The following LYPD5 variants were observed in gnomAD, a reference collection of about 807,000 sequenced individuals.
The protein encoded by LYPD5 is LY6/PLAUR domain containing 5.
LYPD5 carries 21 observed loss-of-function variants against 19.1 expected under a neutral mutation model. The observed-to-expected ratio is 1.10, with a 90% CI of 0.78 to 1.58. The LOEUF is 1.58. Ranked by LOEUF, LYPD5 falls within the 40% of genes most tolerant of loss-of-function variation. LYPD5 has a pLI of 0.00. For missense variants in LYPD5, 287 were observed against 329.8 expected (o/e 0.87, Z 1.00); for synonymous variants, 128 against 142.7 (o/e 0.90, Z 0.74).
chr19:43,800,056 C>A, intron 1 of LYPD5: 1 of 420,062 alleles, frequency 2.4e-6, no homozygotes, highest in Non-Finnish European at 4.3e-6. Context: ...TTTTTTCCCT[C>A]CAGGACACTC....
In LYPD5 at chr19:43,802,366, G is replaced by A. The variant is rs1970234988; in HGVS notation, c.15C>T (p.Val5=). MAMG[V]PRVILLCLFG... ...AGAGGCAGAGCAGAATGACTCTGGG[G>A]ACCCCCATTGCCATTGCTGAGCTGG... is the stretch of plus-strand genomic sequence containing the variant. The change falls in exon 1 of 5, where the codon GTC becomes GTT. Residue 5 remains valine, a synonymous_variant. Coordinates refer to ENST00000377950, the MANE Select transcript of LYPD5 (RefSeq NM_001031749.3). 2 of 1,551,516 alleles carry A rather than the reference G, an allele frequency of 1.3e-6. No homozygotes were observed. The highest frequency in any genetic ancestry group is 1.2e-5 in the South Asian group (1 of 84,048).
intron 1 of LYPD5, among the ~76,000 whole-genome samples, chr19:43,816,059 T>TATCTATCTATCTATCTATCA (rs941909676): frequency 1.3e-4 from 19 of 151,996 alleles, no homozygotes; most frequent in African/African-American, 4.4e-4. Context: ...TCTATCTATC[T>TATCTATCTATCTATCTATCA]ATCTATCTAT....
chr19:43,805,772 T>A (rs1205070944), upstream of LYPD5, among the ~76,000 whole-genome samples: 1 of 152,206 alleles, frequency 6.6e-6, no homozygotes, highest in African/African-American at 2.4e-5. Context: ...CCTCCCAAAG[T>A]GCTGGGATTA....
chr19:43,805,754 C>G (rs1320204694), upstream of LYPD5, among the ~76,000 whole-genome samples: 6 of 152,226 alleles, frequency 3.9e-5, no homozygotes, highest in African/African-American at 1.4e-4. Flanking sequence ...GTGATCCACC[C>G]GCCTCGGCCT....
intron 1 of LYPD5, among the ~76,000 whole-genome samples, chr19:43,801,454 T>A (rs1020513009): frequency 2.6e-5 from 4 of 152,088 alleles, no homozygotes; most frequent in Non-Finnish European, 5.9e-5. Flanking sequence ...TGAGCTGTGA[T>A]TGTGCCACTG....
chr19:43,807,689 T>C (rs1251299196), intron 1 of LYPD5, among the ~76,000 whole-genome samples: 3 of 152,228 alleles, frequency 2.0e-5, no homozygotes, highest in Admixed American at 6.5e-5. Flanking sequence ...ATGCAGGACC[T>C]TGGGATCAAT....
At position 43,798,438 on chromosome 19, in the gene LYPD5, C is replaced by A. The variant is rs769783743; in HGVS notation, c.517+17G>T. 2.5e-6 allele frequency: 4 copies of A among 1,603,808 alleles called. No individual in the cohort carries two copies. The South Asian group carries it at 3.3e-5, about 13-fold the overall frequency. On this transcript the variant is annotated intron_variant, in intron 4 of 4. Transcript: ENST00000377950. ...CATATCCCTTGCCCAGGCCCTTCCA[C>A]CCTTCCAGCCCCTTACCAACTGTCA...
upstream of LYPD5, among the ~76,000 whole-genome samples, chr19:43,802,893 G>A (rs1970240649): frequency 6.6e-6 from 1 of 152,140 alleles, no homozygotes; most frequent in Admixed American, 6.5e-5. Context: ...GATCAAACTA[G>A]GCTGGGCTAG....
At chr19:43,799,098 C>CTCCCTCCTTCCCTCCTTCCCTCCCTCCT in intron 2 of LYPD5, 110 bp from the exon 3 acceptor site, 1 of 1,014,502 alleles carries the variant, frequency 9.9e-7, no homozygotes, top group Non-Finnish European at 1.4e-6. Context: ...ACCTCCTCCC[C>CTCCCTCCTTCCCTCCTTCCCTCCCTCCT]TCCCTCCTTC....
intron 1 of LYPD5, among the ~76,000 whole-genome samples, chr19:43,810,912 G>A (rs113280402): frequency 0.18 from 27,655 of 151,930 alleles, 2,552 homozygotes; most frequent in Non-Finnish European, 0.21. Flanking sequence ...TTACAGGCGT[G>A]AGCCACTGCG....
At chr19:43,815,805 T>A (rs1338227426) in intron 1 of LYPD5, 19 of 370,120 alleles carry the variant, frequency 5.1e-5, no homozygotes, top group South Asian at 8.6e-5. Flanking sequence ...TGGCGCGATC[T>A]CAGCTCACTG....
At chr19:43,820,575 C>T (rs950386541) in exon 1 of LYPD5, 4 of 152,392 alleles carry the variant, frequency 2.6e-5, no homozygotes, top group Non-Finnish European at 5.9e-5. Context: ...CCGCAACGCC[C>T]TCTGCGCCTC....
chr19:43,802,111 C>T (rs1970228933), intron 1 of LYPD5, among the ~76,000 whole-genome samples: 3 of 151,874 alleles, frequency 2.0e-5, no homozygotes. Context: ...CCCACCAAGA[C>T]CCAGGAGTCC....
intron 1 of LYPD5, among the ~76,000 whole-genome samples, chr19:43,817,859 G>T (rs1970385973): frequency 6.6e-6 from 1 of 152,012 alleles, no homozygotes; most frequent in African/African-American, 2.4e-5. Flanking sequence ...TGGGATTACA[G>T]GTGTGCACCA....
rs1970198213 is a variant in LYPD5, at chr19:43,799,763, G to A, written c.136C>T (p.Leu46=). 4.3e-6 allele frequency: 7 copies of A among 1,613,914 alleles called. No homozygotes were observed. In the South Asian group the frequency reaches 6.6e-5, roughly 15 times the overall value. Reference sequence around the variant, plus strand: ...TCATGAGGACAGGAGATGCTGGGCAGCTTCATGGCCCTGAGGTCAAAGGGG... The same window carrying A: ...TCATGAGGACAGGAGATGCTGGGCAACTTCATGGCCCTGAGGTCAAAGGGG... ...FGPFDLRAMK[L]PSISCPHECF... The change falls in exon 2 of 5, where the codon CTG becomes TTG. Residue 46 remains leucine (L), a synonymous_variant. Coordinates refer to ENST00000377950, the MANE Select transcript of LYPD5 (RefSeq NM_001031749.3).
At chr19:43,813,522 A>G (rs1415946970) in intron 1 of LYPD5, among the ~76,000 whole-genome samples, 1 of 152,134 alleles carries the variant, frequency 6.6e-6, no homozygotes, top group Non-Finnish European at 1.5e-5. Context: ...ACAGACTAAC[A>G]CACAGGCATA....
chr19:43,799,532 T>G (rs533885276), intron 2 of LYPD5, among the ~76,000 whole-genome samples, 174 bp downstream of exon 2: 6 of 152,142 alleles, frequency 3.9e-5, no homozygotes, highest in Non-Finnish European at 7.4e-5. Context: ...CCTGAGCCAC[T>G]GCCCCAGCCC....
At position 43,799,647 on chromosome 19, in the gene LYPD5, CT is replaced by C. The variant is rs1033249476; in HGVS notation, c.193+58del. 48 of 1,539,736 alleles carry C rather than the reference CT, an allele frequency of 3.1e-5. No individual in the cohort carries two copies. The African/African-American group carries it at 6.4e-4, about 20-fold the overall frequency. ...TCAATTCCCCTCCCTTTCTGCTCCC[CT>C]CTCCCCCCTTTTTCCTCCCTAATCT... On this transcript the variant is annotated intron_variant, in intron 2 of 4. Transcript: ENST00000377950.
chr19:43,812,638 T>C (rs182294527), intron 1 of LYPD5, among the ~76,000 whole-genome samples: 265 of 152,230 alleles, frequency 1.7e-3, no homozygotes, highest in African/African-American at 6.2e-3. Flanking sequence ...ATTGTGACAG[T>C]GATAAAGAAC....
Sources: gnomAD v4.1 joint callset for allele counts (sites outside exome capture counted in the v4.1 genomes callset) on GRCh38, gnomAD v4.1.1 for gene constraint, MANE v1.5 for transcripts, NCBI Gene and HGNC (gene_info 2026-07-23, HGNC 2026-07-21) for gene names.